The following DMD variants were observed in gnomAD, a reference collection of about 807,000 sequenced individuals.
The protein encoded by DMD is mutant dystrophin.
DMD carries 63 observed loss-of-function variants against 330.1 expected under a neutral mutation model. The observed-to-expected ratio is 0.19, with a 90% CI of 0.16 to 0.24. The LOEUF (loss-of-function observed/expected upper bound fraction) is 0.24. Among genes scored for constraint, DMD ranks in the 10% least tolerant of loss-of-function variants. The pLI is 1.00. For missense variants in DMD, 3,344 were observed against 2,684.1 expected (o/e 1.25, Z -5.43); for synonymous variants, 1,223 against 959.8 (o/e 1.27, Z -5.07).
At chrX:32,747,443 G>C (rs1157995026) in intron 7 of DMD, among the ~76,000 whole-genome samples, 1 of 111,142 alleles carries the variant, frequency 9.0e-6, no homozygotes, top group Non-Finnish European at 1.9e-5. Context: ...GCGTGAGAGT[G>C]AGACCTAGGG....
chrX:32,438,859 C>T (rs1374883884), intron 28 of DMD, among the ~76,000 whole-genome samples: 3 of 111,758 alleles, frequency 2.7e-5, no homozygotes, highest in African/African-American at 9.8e-5. Context: ...TGAGGTCCTT[C>T]ATGCTCAGGA....
At chrX:31,404,556 T>C (rs970754767) in intron 60 of DMD, among the ~76,000 whole-genome samples, 1 of 112,106 alleles carries the variant, frequency 8.9e-6, no homozygotes, top group East Asian at 2.8e-4. Context: ...GCAGAAATCA[T>C]TCACCAGGAG....
chrX:31,829,318 C>T (rs1227050885), intron 49 of DMD, among the ~76,000 whole-genome samples: 4 of 110,245 alleles, frequency 3.6e-5, no homozygotes, highest in South Asian at 3.9e-4. Context: ...TTTCAGAATT[C>T]GCCACTATAG....
intron 16 of DMD, among the ~76,000 whole-genome samples, chrX:32,552,641 C>A (rs1360383265): frequency 8.9e-6 from 1 of 111,915 alleles, no homozygotes; most frequent in Non-Finnish European, 1.9e-5. Context: ...AGACAACCTG[C>A]AGAATGGGAG....
intron 34 of DMD, among the ~76,000 whole-genome samples, chrX:32,376,537 T>C (rs1007758719): frequency 9.0e-6 from 1 of 110,727 alleles, no homozygotes; most frequent in African/African-American, 3.3e-5. Flanking sequence ...GCCCTATAAA[T>C]AGGCGATGAA....
chrX:33,018,854 C>A (rs972320881), intron 2 of DMD, among the ~76,000 whole-genome samples: 2 of 110,689 alleles, frequency 1.8e-5, no homozygotes, highest in African/African-American at 6.5e-5. Flanking sequence ...TTTATTTATT[C>A]TTCTATATTT....
chrX:32,813,952 T>TA (rs1271164452), intron 6 of DMD, among the ~76,000 whole-genome samples: 1 of 111,541 alleles, frequency 9.0e-6, no homozygotes, highest in East Asian at 2.8e-4. Context: ...TACTATGGAG[T>TA]AAATACCTAT....
At chrX:31,399,842 G>A (rs946155390) in intron 60 of DMD, among the ~76,000 whole-genome samples, 1 of 111,609 alleles carries the variant, frequency 9.0e-6, no homozygotes, top group African/African-American at 3.3e-5. Context: ...AGTAGTTAGA[G>A]AGGAATAGCT....
chrX:31,833,140 A>G (rs2093092590), intron 49 of DMD, among the ~76,000 whole-genome samples: 1 of 111,124 alleles, frequency 9.0e-6, no homozygotes, highest in Non-Finnish European at 1.9e-5. Context: ...ATATTATACC[A>G]AAACTATAAC....
intron 7 of DMD, among the ~76,000 whole-genome samples, chrX:32,715,345 T>C (rs1388366511): frequency 9.3e-6 from 1 of 107,953 alleles, no homozygotes; most frequent in African/African-American, 3.4e-5. Flanking sequence ...GGCTTGGTGG[T>C]GTGCGCCTGT....
chrX:32,617,228 CAG>C (rs1415474760), intron 11 of DMD, among the ~76,000 whole-genome samples: 1 of 110,734 alleles, frequency 9.0e-6, no homozygotes, highest in African/African-American at 3.3e-5. Context: ...ATAAAAAAAA[CAG>C]AAGATACTCG....
At chrX:31,668,332 T>C (rs1182067618) in intron 53 of DMD, among the ~76,000 whole-genome samples, 1 of 111,374 alleles carries the variant, frequency 9.0e-6, no homozygotes, top group Non-Finnish European at 1.9e-5. Context: ...AAGAAAACAC[T>C]GCATAATCCA....
At chrX:31,718,966 A>G (rs991242205) in intron 52 of DMD, among the ~76,000 whole-genome samples, 6 of 111,636 alleles carry the variant, frequency 5.4e-5, no homozygotes, top group African/African-American at 1.6e-4. Flanking sequence ...CACTGTCACT[A>G]AGGGGGCAGA....
intron 58 of DMD, among the ~76,000 whole-genome samples, chrX:31,478,603 A>G (rs966620294): frequency 8.9e-6 from 1 of 111,907 alleles, no homozygotes; most frequent in African/African-American, 3.2e-5. Flanking sequence ...CACTTAAGCT[A>G]TTGAGGAGAA....
chrX:32,269,069 C>T (rs973610797), intron 43 of DMD, among the ~76,000 whole-genome samples: 24 of 111,093 alleles, frequency 2.2e-4, no homozygotes, highest in African/African-American at 7.2e-4. Flanking sequence ...AGCAGCTTCC[C>T]GATAAGATCG....
chrX:31,370,498 C>G (rs893096468), intron 60 of DMD, among the ~76,000 whole-genome samples: 2 of 112,253 alleles, frequency 1.8e-5, no homozygotes, highest in Non-Finnish European at 3.8e-5. Context: ...TATTCCTACA[C>G]ACATATCAGA....
At chrX:32,686,518 C>A (rs1390302147) in intron 9 of DMD, among the ~76,000 whole-genome samples, 35 of 87,597 alleles carry the variant, frequency 4.0e-4, no homozygotes, top group Admixed American at 1.9e-3. Flanking sequence ...AAGATCGTGC[C>A]AGTGCACTTC....
At chrX:32,035,549 T>C in intron 44 of DMD, 1 of 310,750 alleles carries the variant, frequency 3.2e-6, no homozygotes, top group Non-Finnish European at 6.1e-6. Flanking sequence ...GCATGAGAGT[T>C]CCTTAAGAGC....
intron 21 of DMD, among the ~76,000 whole-genome samples, chrX:32,473,152 A>G (rs1174237907): frequency 9.0e-6 from 1 of 111,546 alleles, no homozygotes; most frequent in African/African-American, 3.3e-5. Context: ...AGAACTGTAA[A>G]CCATAAAAAG....
Sources: gnomAD v4.1 joint callset for allele counts (sites outside exome capture counted in the v4.1 genomes callset) on GRCh38, gnomAD v4.1.1 for gene constraint, MANE v1.5 for transcripts, NCBI Gene and HGNC (gene_info 2026-07-23, HGNC 2026-07-21) for gene names.